The following SNX30 variants were observed in gnomAD, a reference collection of about 807,000 sequenced individuals.
The protein encoded by SNX30 is sorting nexin family member 30.
SNX30 carries 24 observed loss-of-function variants against 46.4 expected under a neutral mutation model. That is an observed-to-expected ratio of 0.52 (90% CI 0.37 to 0.73). The LOEUF is 0.73. SNX30 is among the 30% of genes least tolerant of loss of function. The probability of loss-of-function intolerance (pLI) is 0.00; values close to 1 mark genes in which losing one functional copy is unlikely to be tolerated. For missense variants in SNX30, 533 were observed against 555.7 expected (o/e 0.96, Z 0.41); for synonymous variants, 189 against 211.5 (o/e 0.89, Z 0.92).
downstream of SNX30, among the ~76,000 whole-genome samples, chr9:112,876,803 G>C (rs1246084192): frequency 6.6e-6 from 1 of 152,164 alleles, no homozygotes; most frequent in Non-Finnish European, 1.5e-5. Flanking sequence ...AGACATGGTG[G>C]TGCGTGCTTG....
At chr9:112,807,002 T>A (rs933147600) in intron 2 of SNX30, among the ~76,000 whole-genome samples, 2 of 151,428 alleles carry the variant, frequency 1.3e-5, no homozygotes, top group African/African-American at 4.8e-5. Flanking sequence ...TATGGACATT[T>A]AAGCCTGCTC....
At chr9:112,859,498 G>A (rs1390752526) in intron 7 of SNX30, among the ~76,000 whole-genome samples, 3 of 152,194 alleles carry the variant, frequency 2.0e-5, no homozygotes, top group African/African-American at 2.4e-5. Context: ...GGATCATATA[G>A]TAGTTCTATT....
intron 2 of SNX30, among the ~76,000 whole-genome samples, chr9:112,810,353 ACC>A (rs1840301074): frequency 6.6e-6 from 1 of 152,140 alleles, no homozygotes; most frequent in Non-Finnish European, 1.5e-5. Context: ...GTGCTCACAC[ACC>A]CAGGTCTGGT....
intron 1 of SNX30, among the ~76,000 whole-genome samples, chr9:112,771,055 A>G (rs941371960): frequency 1.3e-5 from 2 of 152,188 alleles, no homozygotes; most frequent in Non-Finnish European, 2.9e-5. Flanking sequence ...CTCCCTGCCC[A>G]GTTATTCTCC....
intron 1 of SNX30, among the ~76,000 whole-genome samples, chr9:112,770,106 G>A (rs1416409284): frequency 1.3e-5 from 2 of 152,056 alleles, no homozygotes; most frequent in African/African-American, 2.4e-5. Context: ...GGCAGCAACC[G>A]GAGGGATTAT....
intron 6 of SNX30, among the ~76,000 whole-genome samples, chr9:112,839,413 A>G (rs966173267): frequency 6.6e-6 from 1 of 152,232 alleles, no homozygotes; most frequent in Non-Finnish European, 1.5e-5. Flanking sequence ...CAGATGATGT[A>G]TAAAAGGAAC....
chr9:112,768,632 AGAT>A (rs1588109381), intron 1 of SNX30, among the ~76,000 whole-genome samples: 1 of 107,718 alleles, frequency 9.3e-6, no homozygotes, highest in East Asian at 2.5e-4. Context: ...AAGTTTCTCT[AGAT>A]AATTCTTTCT....
At chr9:112,838,768 A>G (rs1324584458) in intron 6 of SNX30, 71 bp downstream of exon 6, 3 of 1,446,814 alleles carry the variant, frequency 2.1e-6, no homozygotes, top group Admixed American at 1.7e-5. Flanking sequence ...GTAATGGATT[A>G]TTGCCTGTTT....
chr9:112,797,306 C>A (rs768379156), intron 1 of SNX30, among the ~76,000 whole-genome samples: 6 of 152,164 alleles, frequency 3.9e-5, no homozygotes, highest in Non-Finnish European at 8.8e-5. Context: ...CCACTGACTA[C>A]CCTCCTACCC....
chr9:112,857,103 G>A, intron 7 of SNX30, among the ~76,000 whole-genome samples: 1 of 152,210 alleles, frequency 6.6e-6, no homozygotes, highest in East Asian at 1.9e-4. Flanking sequence ...TCCCGAGGCA[G>A]GCACGGAGAG....
At chr9:112,865,450 C>A (rs1404480259) in intron 8 of SNX30, among the ~76,000 whole-genome samples, 1 of 151,436 alleles carries the variant, frequency 6.6e-6, no homozygotes, top group African/African-American at 2.4e-5. Flanking sequence ...GTGGGACTGT[C>A]GTTACAAAAG....
chr9:112,788,655 G>T (rs1020401499), intron 1 of SNX30, among the ~76,000 whole-genome samples: 5 of 152,196 alleles, frequency 3.3e-5, no homozygotes, highest in Admixed American at 2.0e-4. Context: ...ATCTCTGGGG[G>T]CTTCTACACC....
chr9:112,785,876 G>A (rs1053745268), intron 1 of SNX30, among the ~76,000 whole-genome samples: 1 of 152,106 alleles, frequency 6.6e-6, no homozygotes, highest in Non-Finnish European at 1.5e-5. Context: ...GAGAAGCTTT[G>A]AGGAAAGCCA....
At chr9:112,811,016 A>G (rs1840310869) in intron 2 of SNX30, among the ~76,000 whole-genome samples, 3 of 152,182 alleles carry the variant, frequency 2.0e-5, no homozygotes, top group Admixed American at 6.5e-5. Context: ...ATTCTCAGGG[A>G]GAGCCAGGTT....
chr9:112,864,216 C>T, intron 7 of SNX30, 31 bp from the exon 8 acceptor site: 1 of 1,610,608 alleles, frequency 6.2e-7, no homozygotes, highest in Non-Finnish European at 8.5e-7. Flanking sequence ...GTTTTGTGTG[C>T]AGGGCACCCA....
At chr9:112,821,722 G>A (rs1334523528) in intron 3 of SNX30, among the ~76,000 whole-genome samples, 3 of 151,836 alleles carry the variant, frequency 2.0e-5, no homozygotes, top group East Asian at 1.9e-4. Flanking sequence ...TCCTGACCTC[G>A]TGTTCCGCCT....
At chr9:112,749,942 A>C (rs1333115543), upstream of SNX30, among the ~76,000 whole-genome samples, 6 of 152,212 alleles carry the variant, frequency 3.9e-5, no homozygotes. Context: ...AGGTGGAAAA[A>C]GGAGGTGAAC....
At chr9:112,795,312 G>A (rs1210741877) in intron 1 of SNX30, among the ~76,000 whole-genome samples, 1 of 152,290 alleles carries the variant, frequency 6.6e-6, no homozygotes, top group South Asian at 2.1e-4. Context: ...TCGGGGCTTA[G>A]ATTAAGAAGC....
intron 6 of SNX30, among the ~76,000 whole-genome samples, chr9:112,841,658 T>C (rs1309205124): frequency 1.3e-5 from 2 of 152,196 alleles, no homozygotes; most frequent in Admixed American, 6.5e-5. Flanking sequence ...CTGGGCACGA[T>C]AGGAGTGATT....
Sources: allele counts gnomAD v4.1 joint callset (sites outside exome capture counted in the v4.1 genomes callset), GRCh38; gene constraint gnomAD v4.1.1; transcripts MANE v1.5; gene names NCBI Gene and HGNC (gene_info 2026-07-23, HGNC 2026-07-21).